Variants in LHCGR observed in about 807,000 individuals in gnomAD.
The protein encoded by LHCGR is luteinizing hormone/choriogonadotropin receptor.
In LHCGR, 55 loss-of-function variants were observed where a neutral mutation model predicts 60.7. The observed-to-expected ratio is 0.91, with a 90% CI of 0.73 to 1.13. The LOEUF (loss-of-function observed/expected upper bound fraction) is 1.13, where lower values mean the gene tolerates loss of function less well. Ranked by LOEUF, LHCGR falls within the 50% of genes most tolerant of loss-of-function variation. LHCGR has a pLI of 0.00. For missense variants in LHCGR, 862 were observed against 836.0 expected (o/e 1.03, Z -0.38); for synonymous variants, 337 against 316.5 (o/e 1.06, Z -0.69).
chr2:48,745,463 T>C (rs2103710173), intron 1 of LHCGR, among the ~76,000 whole-genome samples: 1 of 152,186 alleles, frequency 6.6e-6, no homozygotes, highest in East Asian at 1.9e-4. Flanking sequence ...CCAACAATGA[T>C]AGACTGGATT....
intron 7 of LHCGR, among the ~76,000 whole-genome samples, chr2:48,712,902 CT>C (rs1287080145): frequency 6.6e-6 from 1 of 152,038 alleles, no homozygotes; most frequent in Non-Finnish European, 1.5e-5. Context: ...GAAGTCTATT[CT>C]TTTAGCCACC....
intron 4 of LHCGR, 144 bp from the exon 5 acceptor site, chr2:48,723,840 T>C (rs1462495529): frequency 2.0e-5 from 14 of 689,864 alleles, no homozygotes; most frequent in Non-Finnish European, 3.4e-5. Context: ...TTTGGTGTTA[T>C]CAGGACTACT....
At chr2:48,695,446 C>G (rs896662422) in intron 9 of LHCGR, among the ~76,000 whole-genome samples, 1 of 152,262 alleles carries the variant, frequency 6.6e-6, no homozygotes, top group East Asian at 1.9e-4. Context: ...TTCTCATACA[C>G]TGTTGGTGGG....
At chr2:48,689,686 G>C (rs551690061) in intron 10 of LHCGR, among the ~76,000 whole-genome samples, 52 of 152,154 alleles carry the variant, frequency 3.4e-4, no homozygotes, top group South Asian at 3.1e-3. Context: ...CAACCCCACT[G>C]ATACTTCCTG....
rs1399329242 is a variant in LHCGR, at chr2:48,694,185, A to G, written c.947+39T>C. On this transcript the variant is annotated intron_variant, in intron 10 of 10. Transcript: ENST00000294954. ...CTGATAATAAGGTGCACACAGAACA[A>G]GATACGACTTCTGAGTTTCCTTGCA... The G allele has an allele frequency of 3.4e-6, 4 of 1,170,576 alleles. No individual in the cohort carries two copies. The Middle Eastern group carries it at 5.7e-4, about 167-fold the overall frequency. The allele number at this position is 1,170,576 out of a possible 1,614,324, so 72.5% of individuals were successfully genotyped here.
chr2:48,742,490 A>G (rs964743126), intron 1 of LHCGR, among the ~76,000 whole-genome samples: 5 of 151,782 alleles, frequency 3.3e-5, no homozygotes, highest in Non-Finnish European at 7.4e-5. Context: ...ATAACAAACT[A>G]TCTCTCAGAC....
intron 1 of LHCGR, among the ~76,000 whole-genome samples, chr2:48,731,525 G>A (rs938075703): frequency 6.6e-6 from 1 of 152,116 alleles, no homozygotes; most frequent in Non-Finnish European, 1.5e-5. Context: ...GACTGTGAAC[G>A]TTGAGATTAG....
At chr2:48,733,693 T>C (rs570669594) in intron 1 of LHCGR, among the ~76,000 whole-genome samples, 1 of 151,992 alleles carries the variant, frequency 6.6e-6, no homozygotes, top group Non-Finnish European at 1.5e-5. Context: ...TCACAACAGA[T>C]GTGTTCCCAT....
intron 6 of LHCGR, among the ~76,000 whole-genome samples, chr2:48,718,510 C>T (rs1216286764): frequency 6.6e-6 from 1 of 152,162 alleles, no homozygotes; most frequent in Non-Finnish European, 1.5e-5. Flanking sequence ...TTTATGTTTA[C>T]AGATACTCAG....
At position 48,705,660 on chromosome 2, in the gene LHCGR, C is replaced by T. The variant is rs571487251; in HGVS notation, c.680+3288G>A. On this transcript the variant is annotated intron_variant, in intron 8 of 10. Transcript: ENST00000294954. Reference sequence around the variant, plus strand: ...CATTATGTAATGGCCTTCTTTGTCTCTTTTGATCTTTGTTGGTTTAAAGTC... The same window carrying T: ...CATTATGTAATGGCCTTCTTTGTCTTTTTTGATCTTTGTTGGTTTAAAGTC... 3.3e-5 allele frequency among the ~76,000 whole-genome samples: 5 copies of T among 151,028 alleles called. No homozygotes were observed. In the East Asian group the frequency reaches 9.7e-4, roughly 29 times the overall value.
chr2:48,738,171 C>T (rs936875741), intron 1 of LHCGR, among the ~76,000 whole-genome samples: 1 of 152,152 alleles, frequency 6.6e-6, no homozygotes, highest in Non-Finnish European at 1.5e-5. Context: ...AGCTTTGGAG[C>T]CTACCAGAAT....
chr2:48,698,656 G>A lies in LHCGR; in HGVS notation c.825C>T (p.Tyr275=), dbSNP rs1405072576. 2.5e-6 allele frequency: 4 copies of A among 1,614,098 alleles called. No individual in the cohort carries two copies. The highest frequency in any genetic ancestry group is 3.4e-6 in the Non-Finnish European group (4 of 1,180,002). ...FVNLLEATLT[Y]PSHCCAFRNL... ...TTCTAAAAGCACAGCAGTGGCTGGG[G>A]TAAGTCAACGTGGCCTCCAGGAGAT... Residue 275 remains tyrosine (Y), a synonymous_variant, in exon 9 of 11, where the codon TAC becomes TAT. Transcript: ENST00000294954.
At chr2:48,694,331 A>G (rs746953051) in intron 9 of LHCGR, 27 bp from the exon 10 acceptor site, 5 of 1,466,198 alleles carry the variant, frequency 3.4e-6, no homozygotes, top group African/African-American at 1.4e-5. Flanking sequence ...TAAAAAAAGC[A>G]TTTGAGCTTT....
intron 1 of LHCGR, among the ~76,000 whole-genome samples, chr2:48,741,718 T>G (rs1669462943): frequency 6.6e-6 from 1 of 151,362 alleles, no homozygotes. Flanking sequence ...GAACAACCGG[T>G]ACCAGCCGCT....
At chr2:48,723,581 A>G (rs1241829019) in intron 5 of LHCGR, 41 bp downstream of exon 5, 5 of 1,604,636 alleles carry the variant, frequency 3.1e-6, no homozygotes, top group Non-Finnish European at 4.3e-6. Flanking sequence ...TTTAGCTGCA[A>G]ATAGGAAACT....
chr2:48,742,750 A>G (rs1669517795), intron 1 of LHCGR, among the ~76,000 whole-genome samples: 1 of 152,200 alleles, frequency 6.6e-6, no homozygotes, highest in Non-Finnish European at 1.5e-5. Flanking sequence ...GGAAAGATCC[A>G]AAATTGACAC....
In LHCGR at chr2:48,723,527, A is replaced by G. The variant is rs1477311788; in HGVS notation, c.465T>C (p.Ile155=). The change falls in exon 6 of 11, where the codon ATT becomes ATC. Residue 155 remains isoleucine, a synonymous_variant. Coordinates refer to ENST00000294954, the MANE Select transcript of LHCGR (RefSeq NM_000233.4). ...TGGTGGTTATGTGTAAGTTATCACA[A>G]ATTTCCCTTGAGGAAAGAAATGAGA... The part of the protein sequence containing the change: ...FSSESNFILE[I]CDNLHITTIP... 1.2e-6 allele frequency: 2 copies of G among 1,612,670 alleles called. No individual in the cohort carries two copies. Among genetic ancestry groups the G allele is most frequent in the Non-Finnish European group, 1.7e-6 (2 of 1,178,816 alleles).
intron 10 of LHCGR, among the ~76,000 whole-genome samples, chr2:48,690,607 C>T (rs1237031027): frequency 6.6e-6 from 1 of 152,168 alleles, no homozygotes; most frequent in African/African-American, 2.4e-5. Flanking sequence ...TCTACTGTTT[C>T]ACTCCTCTGT....
intron 1 of LHCGR, among the ~76,000 whole-genome samples, chr2:48,737,074 C>A (rs1359995832): frequency 6.6e-6 from 1 of 152,176 alleles, no homozygotes; most frequent in Admixed American, 6.5e-5. Context: ...AAATGCAGCA[C>A]CAATCTGGAG....
Sources: allele counts gnomAD v4.1 joint callset (sites outside exome capture counted in the v4.1 genomes callset), GRCh38; gene constraint gnomAD v4.1.1; transcripts MANE v1.5; gene names NCBI Gene and HGNC (gene_info 2026-07-23, HGNC 2026-07-21).